Variants in MBD2 observed in about 807,000 individuals in gnomAD.
MBD2 encodes methyl-CpG binding domain protein 2.
Under a neutral mutation model 39.3 loss-of-function variants are expected in MBD2, and 9 were observed. The ratio of observed to expected loss-of-function variants is 0.23; its 90% confidence interval spans 0.14 to 0.40. The LOEUF (loss-of-function observed/expected upper bound fraction) is 0.40, where lower values mean the gene tolerates loss of function less well. MBD2 is among the 10% of genes least tolerant of loss of function. The pLI, the probability that MBD2 is intolerant of heterozygous loss-of-function variation, is 1.00. For missense variants in MBD2, 458 were observed against 532.6 expected (o/e 0.86, Z 1.38); for synonymous variants, 233 against 211.1 (o/e 1.10, Z -0.90).
chr18:54,179,859 T>C (rs2086237459), intron 3 of MBD2, among the ~76,000 whole-genome samples: 1 of 151,938 alleles, frequency 6.6e-6, no homozygotes, highest in East Asian at 1.9e-4. Flanking sequence ...CTATTCAACA[T>C]TGTATTGGAA....
intron 1 of MBD2, among the ~76,000 whole-genome samples, chr18:54,213,946 A>C (rs1326291418): frequency 6.6e-6 from 1 of 151,956 alleles, no homozygotes; most frequent in Non-Finnish European, 1.5e-5. Context: ...AATATGCCCA[A>C]AAACCAGACT....
intron 2 of MBD2, among the ~76,000 whole-genome samples, chr18:54,198,224 T>C (rs1402750187): frequency 6.6e-6 from 1 of 152,124 alleles, no homozygotes; most frequent in Non-Finnish European, 1.5e-5. Flanking sequence ...CAGAAATAAG[T>C]CAACCCAGTA....
chr18:54,161,816 T>C (rs1457613767), intron 5 of MBD2, among the ~76,000 whole-genome samples: 1 of 152,114 alleles, frequency 6.6e-6, no homozygotes, highest in Non-Finnish European at 1.5e-5. Context: ...GAGCAGAACT[T>C]GTGAATATGA....
intron 3 of MBD2, among the ~76,000 whole-genome samples, chr18:54,177,582 G>C (rs1790513): frequency 6.6e-6 from 1 of 151,800 alleles, no homozygotes; most frequent in Non-Finnish European, 1.5e-5. Context: ...CCGCGTTCAC[G>C]CCATTCTCCT....
chr18:54,163,960 T>C (rs1475133510), intron 5 of MBD2, among the ~76,000 whole-genome samples: 2 of 152,310 alleles, frequency 1.3e-5, no homozygotes, highest in South Asian at 4.1e-4. Context: ...GACAGCTCAC[T>C]GGAGCCTCGA....
At chr18:54,201,004 C>T (rs1357313948) in intron 2 of MBD2, among the ~76,000 whole-genome samples, 3 of 151,048 alleles carry the variant, frequency 2.0e-5, no homozygotes, top group East Asian at 3.9e-4. Flanking sequence ...GGCATGAACC[C>T]GGGAGGCAGA....
At chr18:54,221,269 A>C in intron 1 of MBD2, among the ~76,000 whole-genome samples, 1 of 151,946 alleles carries the variant, frequency 6.6e-6, no homozygotes, top group East Asian at 1.9e-4. Context: ...CATCCTGGCT[A>C]ACACGGTAAA....
In MBD2 at chr18:54,224,546, G is replaced by A. The variant is rs1180220083; in HGVS notation, c.14C>T (p.Pro5Leu). The A allele has an allele frequency of 2.5e-6, 3 of 1,200,242 alleles. No individual in the cohort carries two copies. Among genetic ancestry groups the A allele is most frequent in the Non-Finnish European group, 3.1e-6 (3 of 968,518 alleles). The allele number at this position is 1,200,242 out of a possible 1,614,324, so 74.3% of individuals were successfully genotyped here. A position where few individuals can be genotyped will look rare whatever the true frequency, so the allele number is the denominator to read the frequency against. Residue 5 changes from proline to leucine, a missense_variant, in exon 1 of 7, where the codon CCG (proline) becomes CTG (leucine). By Grantham distance (98) the Pro-to-Leu change is moderately conservative. Around this residue, in one of 2 missense-constraint regions of MBD2, gnomAD observed 269 missense variants for 236.0 expected, o/e 1.14. Coordinates refer to ENST00000256429, the MANE Select transcript of MBD2 (RefSeq NM_003927.5). ...CTCCGGGCAGCAGCGGCCTCCCCCC[G>A]GGTGCGCGCGCATCCAGCCCCCTCC... is the stretch of plus-strand genomic sequence containing the variant. The part of the protein sequence containing the change: MRAH[P>L]GGGRCCPEQE...
At chr18:54,200,202 T>C (rs908930821) in intron 2 of MBD2, among the ~76,000 whole-genome samples, 5 of 152,212 alleles carry the variant, frequency 3.3e-5, no homozygotes, top group Admixed American at 2.6e-4. Flanking sequence ...GACGAAAGAA[T>C]TGAGCCTTTC....
In MBD2 at chr18:54,153,155, A is replaced by G. The variant is rs1477769476; in HGVS notation, c.*2169T>C. 2 of 152,560 alleles carry G rather than the reference A, an allele frequency of 1.3e-5. No homozygotes were observed. Among genetic ancestry groups the G allele is most frequent in the East Asian group, 1.9e-4 (1 of 5,190 alleles). The allele number at this position is 152,560 out of a possible 1,614,324, so 9.5% of individuals were successfully genotyped here. Reference sequence around the variant, plus strand: ...TCATATGAAGGCAGTGATCGTGGGGATGGAGGAGAGGTGGGGTGCAGTCAG... The same window carrying G: ...TCATATGAAGGCAGTGATCGTGGGGGTGGAGGAGAGGTGGGGTGCAGTCAG... On this transcript the variant is annotated 3_prime_UTR_variant, in exon 7 of 7. Coordinates refer to ENST00000256429, the MANE Select transcript of MBD2 (RefSeq NM_003927.5).
chr18:54,209,448 A>G (rs544778226), intron 1 of MBD2, among the ~76,000 whole-genome samples: 31 of 152,370 alleles, frequency 2.0e-4, no homozygotes, highest in South Asian at 1.9e-3. Flanking sequence ...ATTCACTAGT[A>G]ACCAGTAAAT....
chr18:54,190,509 C>T (rs1372219840), intron 2 of MBD2, among the ~76,000 whole-genome samples: 1 of 152,142 alleles, frequency 6.6e-6, no homozygotes, highest in African/African-American at 2.4e-5. Context: ...CCACCCACGA[C>T]CCTGAACTGG....
chr18:54,195,230 T>C (rs2086356190), intron 2 of MBD2, among the ~76,000 whole-genome samples: 2 of 152,044 alleles, frequency 1.3e-5, no homozygotes, highest in South Asian at 2.1e-4. Context: ...TAAATACCAC[T>C]TTTTTTCAGT....
intron 1 of MBD2, 152 bp from the exon 2 acceptor site, chr18:54,205,309 C>G: frequency 1.4e-6 from 1 of 712,436 alleles, no homozygotes; most frequent in South Asian, 2.1e-5. Flanking sequence ...CGATGGCTCA[C>G]GCCTATAATC....
At chr18:54,180,590 A>G (rs1236880910) in intron 3 of MBD2, among the ~76,000 whole-genome samples, 2 of 152,182 alleles carry the variant, frequency 1.3e-5, no homozygotes, top group Non-Finnish European at 2.9e-5. Flanking sequence ...TAAAATTAAC[A>G]AAGACAGCCT....
At position 54,155,097 on chromosome 18, in the gene MBD2, A is replaced by C. The variant is rs1453661812; in HGVS notation, c.*227T>G. On this transcript the variant is annotated 3_prime_UTR_variant, in exon 7 of 7. Transcript: ENST00000256429. ...ATCTTAGGGTCCTGCTTGATATTAC[A>C]AAAGACTAATTTTAAGTCCTAGGAC... 6.6e-6 allele frequency: 1 copy of C among 152,602 alleles called. No homozygotes were observed. The highest frequency in any genetic ancestry group is 1.9e-4 in the East Asian group (1 of 5,192). The allele number at this position is 152,602 out of a possible 1,614,324, so 9.5% of individuals were successfully genotyped here. A position where few individuals can be genotyped will look rare whatever the true frequency, so the allele number is the denominator to read the frequency against.
intron 3 of MBD2, among the ~76,000 whole-genome samples, chr18:54,167,820 A>T (rs2086145542): frequency 6.6e-6 from 1 of 152,166 alleles, no homozygotes; most frequent in African/African-American, 2.4e-5. Context: ...ATCATCATGG[A>T]TGAAAAGTAG....
chr18:54,184,146 T>G (rs1053497909), intron 3 of MBD2, among the ~76,000 whole-genome samples: 1 of 151,460 alleles, frequency 6.6e-6, no homozygotes, highest in South Asian at 2.1e-4. Context: ...AAAAAAAAAG[T>G]ACTAATAATA....
rs138848472 is a variant in MBD2, at chr18:54,207,120, A to G, written c.543-1963T>C. On this transcript the variant is annotated intron_variant, in intron 1 of 6. Coordinates refer to ENST00000256429, the MANE Select transcript of MBD2 (RefSeq NM_003927.5). Reference sequence around the variant, plus strand: ...TTGACAAAAAAGCTTCACCTCCTTAATAAGTCATCGAAAGCTTTATATCTG... The same window carrying G: ...TTGACAAAAAAGCTTCACCTCCTTAGTAAGTCATCGAAAGCTTTATATCTG... Among the ~76,000 whole-genome samples the G allele has an allele frequency of 3.7e-4, 56 of 152,192 alleles. 1 individual carries two copies. The highest frequency in any genetic ancestry group is 6.8e-4 in the Non-Finnish European group (46 of 68,016).
Sources: allele counts gnomAD v4.1 joint callset (sites outside exome capture counted in the v4.1 genomes callset), GRCh38; gene constraint gnomAD v4.1.1; regional missense constraint gnomAD v4.1.1; transcripts MANE v1.5; gene names NCBI Gene and HGNC (gene_info 2026-07-23, HGNC 2026-07-21).